DPP10: variants seen among roughly 807,000 people sequenced by gnomAD.
DPP10 encodes inactive dipeptidyl peptidase 10.
A neutral mutation model predicts 120.9 loss-of-function variants in DPP10; 33 were observed. That is an observed-to-expected ratio of 0.27 (90% CI 0.21 to 0.37). The LOEUF (loss-of-function observed/expected upper bound fraction) is 0.37. DPP10 is among the 10% of genes least tolerant of loss of function. The pLI is 1.00. For synonymous variants in DPP10, 337 were observed against 326.1 expected (o/e 1.03, Z -0.36); for missense variants, 816 against 942.8 (o/e 0.87, Z 1.76).
At chr2:115,726,419 A>C (rs2092766554) in intron 7 of DPP10, among the ~76,000 whole-genome samples, 1 of 152,048 alleles carries the variant, frequency 6.6e-6, no homozygotes, top group Non-Finnish European at 1.5e-5. Flanking sequence ...TCTTCACCAC[A>C]GATCTGTAAG....
At chr2:114,650,146 G>A (rs1696468660) in intron 1 of DPP10, among the ~76,000 whole-genome samples, 1 of 152,130 alleles carries the variant, frequency 6.6e-6, no homozygotes. Flanking sequence ...TGTGAAGTAC[G>A]GTGTTTTGAT....
intron 1 of DPP10, among the ~76,000 whole-genome samples, chr2:114,723,938 C>T (rs1701876153): frequency 6.6e-6 from 1 of 152,198 alleles, no homozygotes; most frequent in African/African-American, 2.4e-5. Flanking sequence ...CTCCCCTCTG[C>T]ACACCCATAT....
In DPP10 at chr2:115,791,120, C is replaced by T. The variant is rs1289817513; in HGVS notation, c.1571C>T (p.Ala524Val). The part of the protein sequence containing the change: ...ILESNSMLKE[A>V]ILKKKIGKPE... ...GAAAGCAATTCTATGCTGAAGGAAG[C>T]TATCCTGAAGAAGAAGATAGGAAAG... is the stretch of plus-strand genomic sequence containing the variant. Residue 524 changes from alanine (A) to valine (V), a missense_variant, in exon 18 of 26, where the codon GCT becomes GTT. Transcript: ENST00000410059. The T allele has an allele frequency of 6.8e-6, 11 of 1,613,310 alleles. No individual in the cohort carries two copies. Among genetic ancestry groups the T allele is most frequent in the Admixed American group, 6.7e-5 (4 of 59,924 alleles).
intron 1 of DPP10, among the ~76,000 whole-genome samples, chr2:115,076,082 C>T (rs1707764444): frequency 6.6e-6 from 1 of 152,064 alleles, no homozygotes; most frequent in Non-Finnish European, 1.5e-5. Flanking sequence ...TCCCAATCTC[C>T]ACATCTACCT....
At chr2:114,701,004 G>A (rs189023179) in intron 1 of DPP10, among the ~76,000 whole-genome samples, 5 of 152,110 alleles carry the variant, frequency 3.3e-5, no homozygotes, top group Non-Finnish European at 7.4e-5. Flanking sequence ...TTGTGATGGT[G>A]TACTAGTATC....
intron 1 of DPP10, among the ~76,000 whole-genome samples, chr2:115,174,119 C>T (rs936997975): frequency 6.6e-6 from 1 of 152,124 alleles, no homozygotes; most frequent in African/African-American, 2.4e-5. Flanking sequence ...TGTATAGATT[C>T]TATCTGAAAG....
At chr2:114,682,883 C>T (rs13425488) in intron 1 of DPP10, among the ~76,000 whole-genome samples, 6 of 151,636 alleles carry the variant, frequency 4.0e-5, no homozygotes, top group East Asian at 1.9e-4. Flanking sequence ...GGAGTGCTGA[C>T]GTGCTGAGAG....
chr2:115,677,922 A>G (rs546848539), intron 5 of DPP10, among the ~76,000 whole-genome samples: 7 of 152,352 alleles, frequency 4.6e-5, no homozygotes, highest in African/African-American at 1.4e-4. Flanking sequence ...ATAGACCTAA[A>G]AGGCATTTAT....
chr2:115,032,709 G>A (rs964208082), intron 1 of DPP10, among the ~76,000 whole-genome samples: 3 of 151,262 alleles, frequency 2.0e-5, no homozygotes, highest in South Asian at 2.1e-4. Flanking sequence ...GGCGAAACCC[G>A]GTATCTACTG....
At chr2:115,626,262 A>C (rs888422114) in intron 5 of DPP10, among the ~76,000 whole-genome samples, 2 of 152,004 alleles carry the variant, frequency 1.3e-5, no homozygotes, top group African/African-American at 4.8e-5. Flanking sequence ...AATCAGTTGA[A>C]TCAATCAGAC....
chr2:115,707,782 G>T (rs1575574374), intron 7 of DPP10, among the ~76,000 whole-genome samples: 1 of 151,758 alleles, frequency 6.6e-6, no homozygotes, highest in Non-Finnish European at 1.5e-5. Context: ...AGTGATAAAA[G>T]AAAGGTCCAT....
At chr2:114,625,866 G>A (rs1432375644) in intron 1 of DPP10, among the ~76,000 whole-genome samples, 2 of 151,770 alleles carry the variant, frequency 1.3e-5, no homozygotes, top group African/African-American at 4.8e-5. Context: ...ATTTCTCCAA[G>A]AAGCCCTGGG....
chr2:114,904,004 T>G (rs1326346490), intron 1 of DPP10, among the ~76,000 whole-genome samples: 6 of 152,220 alleles, frequency 3.9e-5, no homozygotes. Flanking sequence ...CCATCTGAGA[T>G]GACAAATAGA....
At chr2:114,636,087 G>A (rs1287256502) in intron 1 of DPP10, among the ~76,000 whole-genome samples, 1 of 151,878 alleles carries the variant, frequency 6.6e-6, no homozygotes, top group Non-Finnish European at 1.5e-5. Flanking sequence ...TGTCTGCTGA[G>A]TACTTGAGTC....
At chr2:114,561,458 A>G (rs189925524) in intron 1 of DPP10, among the ~76,000 whole-genome samples, 1 of 152,240 alleles carries the variant, frequency 6.6e-6, no homozygotes, top group African/African-American at 2.4e-5. Context: ...CACCACATAC[A>G]CATACACACA....
intron 3 of DPP10, among the ~76,000 whole-genome samples, chr2:115,394,268 A>G (rs17453131): frequency 0.078 from 11,906 of 152,170 alleles, 644 homozygotes; most frequent in Non-Finnish European, 0.11. Flanking sequence ...ATTCACAGAC[A>G]TTTTAAATAA....
chr2:115,269,604 G>A (rs928032775), intron 1 of DPP10, among the ~76,000 whole-genome samples: 2 of 152,130 alleles, frequency 1.3e-5, no homozygotes, highest in South Asian at 4.1e-4. Context: ...TGCTATGCAG[G>A]TGGCCTCATG....
intron 1 of DPP10, among the ~76,000 whole-genome samples, chr2:114,706,055 T>A (rs1346993636): frequency 6.6e-6 from 1 of 152,230 alleles, no homozygotes; most frequent in Non-Finnish European, 1.5e-5. Context: ...GGGCCATTTT[T>A]CTACTTTATG....
intron 8 of DPP10, among the ~76,000 whole-genome samples, chr2:115,735,583 C>T (rs111318909): frequency 1.7e-4 from 25 of 151,206 alleles, no homozygotes; most frequent in African/African-American, 4.9e-4. Context: ...TGCAGTGGCA[C>T]GATCCCGGCT....
Sources: allele counts gnomAD v4.1 joint callset (sites outside exome capture counted in the v4.1 genomes callset), GRCh38; gene constraint gnomAD v4.1.1; transcripts MANE v1.5; gene names NCBI Gene and HGNC (gene_info 2026-07-23, HGNC 2026-07-21).